Variants in GLDN observed in about 807,000 individuals in gnomAD.
GLDN encodes collomin.
Under a neutral mutation model 56.5 loss-of-function variants are expected in GLDN, and 47 were observed. The ratio of observed to expected loss-of-function variants is 0.83; its 90% CI spans 0.66 to 1.06. GLDN has a LOEUF of 1.06. Among genes scored for constraint, GLDN ranks in the 50% least tolerant of loss-of-function variants. The pLI is 0.00. For missense variants in GLDN, 782 were observed against 714.3 expected, an observed-to-expected ratio of 1.09 and a Z score of -1.08; for synonymous variants, 332 against 278.8, an observed-to-expected ratio of 1.19 and a Z score of -1.90.
downstream of GLDN, among the ~76,000 whole-genome samples, chr15:51,408,705 T>C (rs2038431346): frequency 6.6e-6 from 1 of 152,174 alleles, no homozygotes; most frequent in East Asian, 1.9e-4. Context: ...TGACAGGCCC[T>C]GGTGTGTGGT....
At position 51,341,732 on chromosome 15, in the gene GLDN, G is replaced by A; in HGVS notation, c.48G>A (p.Leu16=). The A allele has an allele frequency of 6.9e-7, 1 of 1,458,622 alleles. No individual in the cohort carries two copies. Among genetic ancestry groups the A allele is most frequent in the Non-Finnish European group, 8.9e-7 (1 of 1,118,184 alleles). 90.4% of individuals were successfully genotyped at this position (1,458,622 alleles called of 1,614,324 possible). ...GCCGTGGGGACGCGGGTTGGGGCCT[G>A]CGTGGCGCCCTGGCGGCCGTGGCGC... ...EGGRGDAGWG[L]RGALAAVALL... The change falls in exon 1 of 10, where the codon CTG becomes CTA. Residue 16 remains leucine (L), a synonymous_variant. Transcript: ENST00000335449.
chr15:51,380,573 A>G (rs923430772), intron 2 of GLDN, among the ~76,000 whole-genome samples: 1 of 152,144 alleles, frequency 6.6e-6, no homozygotes, highest in Non-Finnish European at 1.5e-5. Context: ...ATAACTCCCT[A>G]TGCCTCAGCA....
intron 1 of GLDN, among the ~76,000 whole-genome samples, chr15:51,358,964 C>A (rs1272321860): frequency 6.6e-6 from 1 of 151,978 alleles, no homozygotes; most frequent in Non-Finnish European, 1.5e-5. Flanking sequence ...GGGGATAACC[C>A]ACAATTATGT....
chr15:51,370,635 T>TAAAA (rs61086666), intron 1 of GLDN, among the ~76,000 whole-genome samples: 1 of 147,192 alleles, frequency 6.8e-6, no homozygotes, highest in Non-Finnish European at 1.5e-5. Flanking sequence ...CACAGAAAAG[T>TAAAA]AAAAAAAAAA....
chr15:51,381,339 G>A (rs555676147), intron 2 of GLDN, among the ~76,000 whole-genome samples: 10 of 152,050 alleles, frequency 6.6e-5, no homozygotes, highest in Non-Finnish European at 1.2e-4. Context: ...TCCCTCTGTC[G>A]TCGCGAACGA....
intron 1 of GLDN, among the ~76,000 whole-genome samples, chr15:51,351,857 T>C (rs2037082216): frequency 6.6e-6 from 1 of 152,158 alleles, no homozygotes; most frequent in Non-Finnish European, 1.5e-5. Flanking sequence ...CTTGGGCAAA[T>C]CTTTTAACTT....
chr15:51,388,235 A>G (rs899351119), intron 4 of GLDN, among the ~76,000 whole-genome samples: 1 of 151,890 alleles, frequency 6.6e-6, no homozygotes, highest in Admixed American at 6.6e-5. Flanking sequence ...AAATCACCCC[A>G]TGGTGATTAT....
intron 1 of GLDN, among the ~76,000 whole-genome samples, chr15:51,354,598 G>A (rs1023652047): frequency 6.6e-6 from 1 of 152,210 alleles, no homozygotes; most frequent in Non-Finnish European, 1.5e-5. Context: ...GCAATAATAT[G>A]AGCCAAGGTC....
chr15:51,352,455 C>A (rs1214146282), intron 1 of GLDN, among the ~76,000 whole-genome samples: 2 of 152,094 alleles, frequency 1.3e-5, no homozygotes, highest in Admixed American at 6.5e-5. Context: ...TGCCATTAGC[C>A]CTTTTTGCCC....
chr15:51,345,616 A>C (rs2036963305), intron 1 of GLDN, among the ~76,000 whole-genome samples: 1 of 152,218 alleles, frequency 6.6e-6, no homozygotes, highest in African/African-American at 2.4e-5. Context: ...GATAAAATGT[A>C]ATTGTGTCTC....
intron 1 of GLDN, among the ~76,000 whole-genome samples, chr15:51,347,924 C>G (rs2037007265): frequency 1.3e-5 from 2 of 152,040 alleles, no homozygotes; most frequent in Non-Finnish European, 2.9e-5. Flanking sequence ...TCTAAGTGAA[C>G]AAAGCAAGGC....
At chr15:51,361,495 G>A (rs1222630905) in intron 1 of GLDN, among the ~76,000 whole-genome samples, 1 of 152,136 alleles carries the variant, frequency 6.6e-6, no homozygotes. Context: ...TCCCATCCTA[G>A]GAATTCGTGC....
At chr15:51,395,464 T>C (rs1717715621) in intron 5 of GLDN, among the ~76,000 whole-genome samples, 1 of 152,110 alleles carries the variant, frequency 6.6e-6, no homozygotes, top group Non-Finnish European at 1.5e-5. Flanking sequence ...TGGCAACAGA[T>C]TCAAGAGCCA....
chr15:51,366,064 G>C (rs1156258156), intron 1 of GLDN, among the ~76,000 whole-genome samples: 1 of 152,240 alleles, frequency 6.6e-6, no homozygotes, highest in Admixed American at 6.5e-5. Flanking sequence ...TGGATTTACA[G>C]ATGCTTCTTT....
intron 1 of GLDN, among the ~76,000 whole-genome samples, chr15:51,356,589 CT>C (rs2037190919): frequency 6.6e-6 from 1 of 152,208 alleles, no homozygotes; most frequent in Admixed American, 6.5e-5. Flanking sequence ...GCAAAATGAT[CT>C]AAGCCTTTAT....
chr15:51,343,837 C>T (rs1205479871), intron 1 of GLDN, among the ~76,000 whole-genome samples: 1 of 152,158 alleles, frequency 6.6e-6, no homozygotes, highest in Non-Finnish European at 1.5e-5. Context: ...AGTGCAGATT[C>T]CAGGGCCTCT....
Position 51,400,223 on chromosome 15 carries a change from C to T in GLDN, c.849C>T (p.Thr283=), listed in dbSNP as rs1214795037. Residue 283 remains threonine (T), a synonymous_variant, in exon 7 of 10, where the codon ACC becomes ACT. Transcript: ENST00000335449. ...CTTGTGCCATACCAAATGATGATAC[C>T]TTGGTTGGAAAAGCTGATGAGAAAG... The part of the protein sequence containing the change: ...GETCAIPNDD[T]LVGKADEKAS... 6.2e-7 allele frequency: 1 copy of T among 1,614,102 alleles called. No individual in the cohort carries two copies. The highest frequency in any genetic ancestry group is 8.5e-7 in the Non-Finnish European group (1 of 1,179,998).
intron 1 of GLDN, among the ~76,000 whole-genome samples, chr15:51,372,706 G>A (rs55810637): frequency 0.17 from 26,593 of 152,048 alleles, 2,783 homozygotes; most frequent in Admixed American, 0.26. Flanking sequence ...CCTTAGAGAC[G>A]GTTGATGTGC....
Position 51,368,453 on chromosome 15 carries a change from C to T in GLDN, c.364-8996C>T, listed in dbSNP as rs1026605329. On this transcript the variant is annotated intron_variant, in intron 1 of 9. Coordinates refer to ENST00000335449, the MANE Select transcript of GLDN (RefSeq NM_181789.4). ...CTGATAGAACACTTGCCCCCCAGGCCGCTGATGTGGGATGGCAGAAGATGG... is the reference window on the plus strand; with the variant it reads ...CTGATAGAACACTTGCCCCCCAGGCTGCTGATGTGGGATGGCAGAAGATGG... Among the ~76,000 whole-genome samples, 9 of 151,842 alleles carry T rather than the reference C, an allele frequency of 5.9e-5. No individual in the cohort carries two copies. The South Asian group carries it at 1.3e-3, about 21-fold the overall frequency.
Sources: gnomAD v4.1 joint callset for allele counts (sites outside exome capture counted in the v4.1 genomes callset) on GRCh38, gnomAD v4.1.1 for gene constraint, MANE v1.5 for transcripts, NCBI Gene and HGNC (gene_info 2026-07-23, HGNC 2026-07-21) for gene names.